Variants in RFX3 observed in about 807,000 individuals in gnomAD.
RFX3 encodes transcription factor RFX3.
In RFX3, 14 loss-of-function variants were observed where a neutral mutation model predicts 98.6. That is an observed-to-expected ratio of 0.14 (90% CI 0.09 to 0.22). The LOEUF is 0.22. Among genes scored for constraint, RFX3 ranks in the 10% least tolerant of loss-of-function variants. The pLI, the probability that RFX3 is intolerant of heterozygous loss-of-function variation, is 1.00. For missense variants in RFX3, 639 were observed against 926.9 expected (o/e 0.69, Z 4.03); for synonymous variants, 383 against 328.4 (o/e 1.17, Z -1.80).
intron 1 of RFX3, among the ~76,000 whole-genome samples, chr9:3,461,596 G>A (rs903412881): frequency 1.3e-5 from 2 of 151,874 alleles, no homozygotes; most frequent in African/African-American, 4.8e-5. Context: ...TTAATTTAAT[G>A]TAACATAACA....
chr9:3,417,571 C>T (rs1564073711), intron 1 of RFX3, among the ~76,000 whole-genome samples: 1 of 152,012 alleles, frequency 6.6e-6, no homozygotes, highest in African/African-American at 2.4e-5. Flanking sequence ...CTAACTAACC[C>T]ATGGGTCAAA....
At chr9:3,303,645 G>T (rs1828927945) in intron 4 of RFX3, among the ~76,000 whole-genome samples, 1 of 146,072 alleles carries the variant, frequency 6.8e-6, no homozygotes, top group Non-Finnish European at 1.5e-5. Flanking sequence ...TTCTTTTTCT[G>T]GGAAAAAAAA....
At chr9:3,408,605 C>G (rs1842176854) in intron 1 of RFX3, among the ~76,000 whole-genome samples, 1 of 151,404 alleles carries the variant, frequency 6.6e-6, no homozygotes, top group Non-Finnish European at 1.5e-5. Context: ...CTCTCTCTCT[C>G]TCTCTCTCAC....
At chr9:3,408,014 A>G (rs550627056) in intron 1 of RFX3, among the ~76,000 whole-genome samples, 1 of 152,276 alleles carries the variant, frequency 6.6e-6, no homozygotes, top group Non-Finnish European at 1.5e-5. Context: ...GGTACACACC[A>G]TAACGCCCAC....
At chr9:3,475,479 C>G (rs986418592) in intron 1 of RFX3, among the ~76,000 whole-genome samples, 1 of 152,086 alleles carries the variant, frequency 6.6e-6, no homozygotes, top group Non-Finnish European at 1.5e-5. Flanking sequence ...GTCCACTAGA[C>G]AGGGGGCCCT....
At chr9:3,305,330 G>A (rs1829155342) in intron 4 of RFX3, among the ~76,000 whole-genome samples, 1 of 151,952 alleles carries the variant, frequency 6.6e-6, no homozygotes, top group African/African-American at 2.4e-5. Context: ...AGGGATGTAT[G>A]AAAAATGCTA....
chr9:3,434,232 A>C (rs1844916927), intron 1 of RFX3, among the ~76,000 whole-genome samples: 2 of 152,150 alleles, frequency 1.3e-5, no homozygotes, highest in African/African-American at 4.8e-5. Flanking sequence ...TGCCTAGATC[A>C]GTGTCTGACA....
chr9:3,226,775 G>T (rs180976920), intron 16 of RFX3, among the ~76,000 whole-genome samples: 1 of 152,068 alleles, frequency 6.6e-6, no homozygotes. Context: ...ATATGTTTTG[G>T]TTTTTCATGT....
At chr9:3,340,562 A>C (rs895379725) in intron 3 of RFX3, among the ~76,000 whole-genome samples, 12 of 152,180 alleles carry the variant, frequency 7.9e-5, no homozygotes, top group African/African-American at 2.9e-4. Context: ...TACAAGAAAA[A>C]AACAAACAAC....
chr9:3,461,375 A>G (rs1029049615), intron 1 of RFX3, among the ~76,000 whole-genome samples: 8 of 152,078 alleles, frequency 5.3e-5, no homozygotes, highest in African/African-American at 1.7e-4. Flanking sequence ...AAGTTCACAG[A>G]ATGTGCTTTG....
chr9:3,361,588 G>C (rs983607856), intron 2 of RFX3, among the ~76,000 whole-genome samples: 2 of 150,406 alleles, frequency 1.3e-5, no homozygotes, highest in African/African-American at 4.9e-5. Context: ...TTGGGAGGCT[G>C]AGGCGGGAGG....
intron 2 of RFX3, among the ~76,000 whole-genome samples, chr9:3,369,023 G>T (rs1420667807): frequency 1.3e-5 from 2 of 152,178 alleles, no homozygotes; most frequent in East Asian, 3.9e-4. Flanking sequence ...GTGAAGGAAA[G>T]GAGGCAGATA....
intron 1 of RFX3, among the ~76,000 whole-genome samples, chr9:3,525,425 AC>A (rs1306219835): frequency 6.6e-6 from 1 of 152,126 alleles, no homozygotes; most frequent in Non-Finnish European, 1.5e-5. Context: ...GCATCGGAAA[AC>A]TGTGGCTCCC....
chr9:3,243,395 G>A (rs1173686150), intron 15 of RFX3, among the ~76,000 whole-genome samples: 1 of 150,904 alleles, frequency 6.6e-6, no homozygotes, highest in Non-Finnish European at 1.5e-5. Context: ...TAATGTAGTA[G>A]CATACTGACA....
chr9:3,511,623 C>G (rs1194638335), intron 1 of RFX3, among the ~76,000 whole-genome samples: 2 of 152,050 alleles, frequency 1.3e-5, no homozygotes, highest in South Asian at 2.1e-4. Flanking sequence ...GTTCTCTTCC[C>G]TCATCAACTT....
chr9:3,504,323 A>G (rs1011392516), intron 1 of RFX3, among the ~76,000 whole-genome samples: 37 of 117,588 alleles, frequency 3.1e-4, no homozygotes, highest in Non-Finnish European at 5.5e-4. Context: ...TATATTATAT[A>G]TAAAATATAT....
chr9:3,260,666 T>C (rs1354581356), intron 13 of RFX3, among the ~76,000 whole-genome samples: 5 of 151,668 alleles, frequency 3.3e-5, no homozygotes, highest in African/African-American at 9.7e-5. Context: ...GTATAGATTT[T>C]AAGGCAATAT....
At chr9:3,429,057 GT>G (rs1564089932) in intron 1 of RFX3, among the ~76,000 whole-genome samples, 3 of 140,074 alleles carry the variant, frequency 2.1e-5, no homozygotes, top group African/African-American at 8.2e-5. Context: ...GAGTCTCGCT[GT>G]GTCTCCCAGG....
chr9:3,288,698 A>G (rs1826954984), intron 6 of RFX3, among the ~76,000 whole-genome samples: 1 of 152,106 alleles, frequency 6.6e-6, no homozygotes, highest in African/African-American at 2.4e-5. Context: ...AAAAATCTTA[A>G]TTCTACTTTC....
Sources: allele counts gnomAD v4.1 joint callset (sites outside exome capture counted in the v4.1 genomes callset), GRCh38; gene constraint gnomAD v4.1.1; transcripts MANE v1.5; gene names NCBI Gene and HGNC (gene_info 2026-07-23, HGNC 2026-07-21).